MAP3K2: variants seen among roughly 807,000 people sequenced by gnomAD.
The protein encoded by MAP3K2 is MAP/ERK kinase kinase 2.
In MAP3K2, 24 loss-of-function variants were observed where a neutral mutation model predicts 80.3. The observed-to-expected ratio is 0.30, with a 90% CI of 0.22 to 0.42. The LOEUF (loss-of-function observed/expected upper bound fraction) is 0.42, where lower values mean the gene tolerates loss of function less well. Ranked by LOEUF, MAP3K2 falls within the 10% of genes least tolerant of loss-of-function variation. MAP3K2 has a pLI of 1.00. For synonymous variants in MAP3K2, 244 were observed against 253.7 expected, an observed-to-expected ratio of 0.96 and a Z score of 0.36; for missense variants, 608 against 750.1, an observed-to-expected ratio of 0.81 and a Z score of 2.21.
At chr2:127,309,780 C>G (rs1334293285) in intron 15 of MAP3K2, among the ~76,000 whole-genome samples, 1 of 152,038 alleles carries the variant, frequency 6.6e-6, no homozygotes, top group African/African-American at 2.4e-5. Flanking sequence ...GGAGGAAGAC[C>G]GCAGCTAAAC....
rs35382458 is a variant in MAP3K2 at position 127,333,277 on chromosome 2, AACAC to A, written c.264+2589_264+2592del. ...GAACACCTCCACAACCAACCCTCAT[AACAC>A]ACACACACACACACACACACACACC... On this transcript the variant is annotated intron_variant, in intron 5 of 16. Transcript: ENST00000682094. Among the ~76,000 whole-genome samples, 435 of 144,852 alleles carry A rather than the reference AACAC, an allele frequency of 3.0e-3. 2 individuals carry two copies. The highest frequency in any genetic ancestry group is 7.2e-3 in the Middle Eastern group (2 of 276).
intron 1 of MAP3K2, among the ~76,000 whole-genome samples, chr2:127,350,196 T>C (rs1376028657): frequency 2.0e-5 from 3 of 152,008 alleles, no homozygotes; most frequent in South Asian, 2.1e-4. Context: ...TAAAGACTTA[T>C]GGGGACATGT....
At chr2:127,336,153 C>T (rs1686366895) in intron 4 of MAP3K2, among the ~76,000 whole-genome samples, 184 bp from the exon 5 acceptor site, 1 of 152,158 alleles carries the variant, frequency 6.6e-6, no homozygotes, top group Admixed American at 6.5e-5. Context: ...AGTTCAAAAA[C>T]TCTGAAGTCT....
intron 4 of MAP3K2, among the ~76,000 whole-genome samples, chr2:127,337,108 C>T (rs1686388421): frequency 1.3e-5 from 2 of 151,966 alleles, no homozygotes; most frequent in East Asian, 1.9e-4. Flanking sequence ...CGCCATTGCA[C>T]TCCAGCCTGG....
chr2:127,353,968 T>G (rs958015257), intron 1 of MAP3K2, among the ~76,000 whole-genome samples: 108 of 151,918 alleles, frequency 7.1e-4, no homozygotes, highest in Non-Finnish European at 1.3e-3. Flanking sequence ...CTCTGAAACA[T>G]GTGCTGTGTC....
chr2:127,319,879 T>C (rs564590635), intron 12 of MAP3K2, among the ~76,000 whole-genome samples: 6 of 147,778 alleles, frequency 4.1e-5, no homozygotes, highest in South Asian at 2.1e-4. Flanking sequence ...AGCAGGACCA[T>C]TGAGAAAATC....
At position 127,335,913 on chromosome 2, in the gene MAP3K2, AT is replaced by A; in HGVS notation, c.220del (p.Ile74LeufsTer17). The A allele has an allele frequency of 6.3e-7, 1 of 1,577,056 alleles. No individual in the cohort carries two copies. The highest frequency in any genetic ancestry group is 8.6e-7 in the Non-Finnish European group (1 of 1,158,558). On this transcript the variant is annotated frameshift_variant, in exon 5 of 17. Coordinates refer to ENST00000682094, the MANE Select transcript of MAP3K2 (RefSeq NM_001371910.2). LOFTEE classifies it high-confidence loss of function. ...TAGATCCATAGACTGTCCAAAGGCA[AT>A]TTTAGCTTTAGATCTCAGATCTTCC... Reference protein sequence around the residue: ...KLEDLRSKAKIAFGQSMDLHY... With the variant: ...KLEDLRSKAKXAFGQSMDLHY...
In MAP3K2 at chr2:127,304,371, T is replaced by A. The variant is rs528068656; in HGVS notation, c.*3208A>T. The A allele has an allele frequency of 6.6e-6, 1 of 152,268 alleles. No individual in the cohort carries two copies. Among genetic ancestry groups the A allele is most frequent in the South Asian group, 2.1e-4 (1 of 4,828 alleles). 9.4% of individuals were successfully genotyped at this position (152,268 alleles called of 1,614,324 possible). A position where few individuals can be genotyped will look rare whatever the true frequency, so the allele number is the denominator to read the frequency against. On this transcript the variant is annotated 3_prime_UTR_variant, in exon 17 of 17. Transcript: ENST00000682094. The stretch of plus-strand genomic sequence containing the variant: ...TAACCCTTTTATTCAATACAACATT[T>A]TGTTTGCAATGTAAAAGATCTTATA...
chr2:127,314,245 T>G (rs1172592409), intron 15 of MAP3K2, among the ~76,000 whole-genome samples: 1 of 152,172 alleles, frequency 6.6e-6, no homozygotes, highest in Non-Finnish European at 1.5e-5. Context: ...TTCTCTTCAT[T>G]CTTTCCCTCG....
At chr2:127,351,920 A>G (rs1686698153) in intron 1 of MAP3K2, among the ~76,000 whole-genome samples, 1 of 151,210 alleles carries the variant, frequency 6.6e-6, no homozygotes, top group Non-Finnish European at 1.5e-5. Flanking sequence ...TTTGTCACCC[A>G]GGCTAGAGCG....
rs1685728208 is a variant in MAP3K2 at position 127,307,640 on chromosome 2, T to C, written c.1799A>G (p.Glu600Gly). 1 of 1,588,708 alleles carries C rather than the reference T, an allele frequency of 6.3e-7. No homozygotes were observed. The highest frequency in any genetic ancestry group is 8.6e-7 in the Non-Finnish European group (1 of 1,166,828). ...ATCAGCTGAAGGTCTCAGTTTGGCC[T>C]CTACAAAAATCCGTTTGAGGAAATC... ...TRDFLKRIFVEAKLRPSADEL... is the reference protein window; with the variant it reads ...TRDFLKRIFVGAKLRPSADEL... The change falls in exon 17 of 17, where the codon GAG becomes GGG. Residue 600 changes from glutamate (E) to glycine (G), a missense_variant. Glu to Gly is a moderately conservative substitution (Grantham distance 98, BLOSUM62 -2). Coordinates refer to ENST00000682094, the MANE Select transcript of MAP3K2 (RefSeq NM_001371910.2). This position sits in a 1 kb window ranked among gnomAD's most constrained non-coding sequence, Gnocchi z 5.4.
chr2:127,334,733 A>T (rs1686331102), intron 5 of MAP3K2, among the ~76,000 whole-genome samples: 1 of 150,014 alleles, frequency 6.7e-6, no homozygotes, highest in Non-Finnish European at 1.5e-5. Flanking sequence ...GGCATGAGCC[A>T]CTGTGCTCTG....
At chr2:127,378,981 GTT>G (rs58961718) in intron 1 of MAP3K2, among the ~76,000 whole-genome samples, 5,775 of 87,872 alleles carry the variant, frequency 0.066, 102 homozygotes, top group Middle Eastern at 0.12. Context: ...GTTTTTTGTT[GTT>G]TTTTTTTTTT....
chr2:127,307,411 GA>G lies in MAP3K2; in HGVS notation c.*167del, dbSNP rs1424833921. On this transcript the variant is annotated 3_prime_UTR_variant, in exon 17 of 17. Coordinates refer to ENST00000682094, the MANE Select transcript of MAP3K2 (RefSeq NM_001371910.2). This position sits in a 1 kb window ranked among gnomAD's most constrained non-coding sequence, Gnocchi z 5.4. ...AAAAGATTAAATATAAAAAATTTAG[GA>G]TATTATTATTATTAAACAAATTTAA... The G allele has an allele frequency of 2.4e-6, 1 of 414,902 alleles. No homozygotes were observed. Among genetic ancestry groups the G allele is most frequent in the African/African-American group, 2.1e-5 (1 of 48,402 alleles). 25.7% of individuals were successfully genotyped at this position (414,902 alleles called of 1,614,324 possible).
intron 1 of MAP3K2, among the ~76,000 whole-genome samples, chr2:127,386,296 A>T (rs527462992): frequency 6.6e-6 from 1 of 152,382 alleles, no homozygotes; most frequent in South Asian, 2.1e-4. Flanking sequence ...TCATGCTAAA[A>T]TGAGAATTTT....
chr2:127,327,080 G>T (rs1573985713), intron 7 of MAP3K2, among the ~76,000 whole-genome samples: 2 of 152,204 alleles, frequency 1.3e-5, no homozygotes, highest in East Asian at 3.9e-4. Context: ...CTGCTGATAG[G>T]ATGATAATAC....
chr2:127,351,658 T>C (rs776355449), intron 1 of MAP3K2, among the ~76,000 whole-genome samples: 8 of 152,112 alleles, frequency 5.3e-5, no homozygotes, highest in Non-Finnish European at 1.0e-4. Context: ...ATTACTGAAA[T>C]AGTTTCATAT....
At chr2:127,333,242 C>T (rs1263192785) in intron 5 of MAP3K2, among the ~76,000 whole-genome samples, 1 of 149,572 alleles carries the variant, frequency 6.7e-6, no homozygotes, top group Non-Finnish European at 1.5e-5. Flanking sequence ...CACACACACA[C>T]ATGCACCCTG....
chr2:127,370,341 G>A (rs1687041821), intron 1 of MAP3K2, among the ~76,000 whole-genome samples: 1 of 152,176 alleles, frequency 6.6e-6, no homozygotes, highest in South Asian at 2.1e-4. Context: ...TTCATCTGTT[G>A]TTCAGCCAGG....
Sources: gnomAD v4.1 joint callset for allele counts (sites outside exome capture counted in the v4.1 genomes callset) on GRCh38, gnomAD v4.1.1 for gene constraint, Gnocchi (gnomAD v3.1) non-coding constraint, MANE v1.5 for transcripts, NCBI Gene and HGNC (gene_info 2026-07-23, HGNC 2026-07-21) for gene names.